The following CLYBL variants were observed in gnomAD, a reference collection of about 807,000 sequenced individuals.
CLYBL encodes citramalyl-CoA lyase, also known as citramalyl-CoA lyase, mitochondrial.
In CLYBL, 31 loss-of-function variants were observed where a neutral mutation model predicts 38.9. That is an observed-to-expected ratio of 0.80 (90% CI 0.60 to 1.08). The LOEUF (loss-of-function observed/expected upper bound fraction) is 1.08. CLYBL is among the 50% of genes least tolerant of loss of function. The probability of loss-of-function intolerance (pLI) is 0.00; values close to 1 mark genes in which losing one functional copy is unlikely to be tolerated. For missense variants in CLYBL, 434 were observed against 411.6 expected, an observed-to-expected ratio of 1.05 and a Z score of -0.47; for synonymous variants, 171 against 158.6, an observed-to-expected ratio of 1.08 and a Z score of -0.59.
intron 3 of CLYBL, among the ~76,000 whole-genome samples, chr13:99,862,246 T>C (rs1476724726): frequency 1.3e-5 from 2 of 152,202 alleles, no homozygotes; most frequent in African/African-American, 4.8e-5. Flanking sequence ...CCCCACATCT[T>C]ATTAGATCTA....
chr13:99,880,156 C>T (rs1201151248), intron 7 of CLYBL, among the ~76,000 whole-genome samples: 4 of 149,438 alleles, frequency 2.7e-5, no homozygotes, highest in African/African-American at 7.4e-5. Context: ...CAACCTCTGC[C>T]TCCTAGGTTC....
chr13:99,768,191 T>A (rs2049306753), intron 1 of CLYBL, among the ~76,000 whole-genome samples: 1 of 108,584 alleles, frequency 9.2e-6, no homozygotes, highest in African/African-American at 3.4e-5. Flanking sequence ...CTTTTCTTTT[T>A]CTTTTTTTTT....
chr13:99,818,764 G>A (rs375047782), intron 2 of CLYBL, among the ~76,000 whole-genome samples: 3 of 152,140 alleles, frequency 2.0e-5, no homozygotes, highest in African/African-American at 7.2e-5. Flanking sequence ...TTCCCTGGGC[G>A]TTTGTACTTA....
intron 2 of CLYBL, among the ~76,000 whole-genome samples, chr13:99,839,110 T>C (rs889842534): frequency 2.0e-5 from 3 of 152,224 alleles, no homozygotes; most frequent in Non-Finnish European, 2.9e-5. Context: ...GTCAACAGTG[T>C]AGCCAGCCAG....
rs866010265 is a variant in CLYBL at position 99,880,066 on chromosome 13, A to T, written c.927+9004A>T. 2.4e-3 allele frequency among the ~76,000 whole-genome samples: 146 copies of T among 60,760 alleles called. 1 individual carries two copies. Among genetic ancestry groups the T allele is most frequent in the African/African-American group, 6.8e-3 (128 of 18,692 alleles). The allele number at this position is 60,760 out of a possible 152,430, so 39.9% of individuals were successfully genotyped here. A position where few individuals can be genotyped will look rare whatever the true frequency, so the allele number is the denominator to read the frequency against. On this transcript the variant is annotated intron_variant, in intron 7 of 8. Transcript: ENST00000339105. ...TGTGTGTATGTATATATATATATAT[A>T]TATTTTTTTTTTTTTTTTTGAGACA...
intron 2 of CLYBL, among the ~76,000 whole-genome samples, chr13:99,816,285 C>T (rs1284504153): frequency 2.6e-5 from 4 of 152,248 alleles, no homozygotes; most frequent in African/African-American, 7.2e-5. Context: ...AAAATGCCAA[C>T]CTTGGGACAG....
At chr13:99,620,571 T>G (rs1297754214) in intron 1 of CLYBL, among the ~76,000 whole-genome samples, 1 of 152,184 alleles carries the variant, frequency 6.6e-6, no homozygotes, top group Non-Finnish European at 1.5e-5. Flanking sequence ...GGTCAGGAGT[T>G]GGAGACCAAC....
At chr13:99,720,985 C>T (rs964181801) in intron 1 of CLYBL, among the ~76,000 whole-genome samples, 32 of 150,868 alleles carry the variant, frequency 2.1e-4, no homozygotes, top group African/African-American at 6.6e-4. Flanking sequence ...TCTCCTACTT[C>T]TCTGTGCCAT....
intron 1 of CLYBL, among the ~76,000 whole-genome samples, chr13:99,759,537 A>G (rs2049126977): frequency 6.6e-6 from 1 of 152,160 alleles, no homozygotes; most frequent in Non-Finnish European, 1.5e-5. Context: ...CTCTGATGTC[A>G]GGCCCTGAAA....
intron 1 of CLYBL, among the ~76,000 whole-genome samples, chr13:99,756,629 A>T (rs1478172033): frequency 6.6e-6 from 1 of 152,084 alleles, no homozygotes; most frequent in Non-Finnish European, 1.5e-5. Flanking sequence ...TGTTTGTTTG[A>T]GCTCATTGGC....
At chr13:99,728,644 C>T (rs7992906) in intron 1 of CLYBL, among the ~76,000 whole-genome samples, 2,254 of 152,006 alleles carry the variant, frequency 0.015, 46 homozygotes, top group African/African-American at 0.051. Context: ...GGTGCAATCA[C>T]GCCTCACTGC....
chr13:99,642,738 T>TTCCC (rs1594097843), intron 1 of CLYBL, among the ~76,000 whole-genome samples: 1 of 151,470 alleles, frequency 6.6e-6, no homozygotes, highest in African/African-American at 2.4e-5. Flanking sequence ...GCCTGCCTGC[T>TTCCC]TCCCTCCCTC....
rs1172376194 is a variant in CLYBL at position 99,754,416 on chromosome 13, CAAAAAAAA to C, written c.63-18392_63-18385del. Among the ~76,000 whole-genome samples, 9 of 71,882 alleles carry C rather than the reference CAAAAAAAA, an allele frequency of 1.3e-4. 1 individual carries two copies. The East Asian group carries it at 1.6e-3, about 13-fold the overall frequency. The allele number at this position is 71,882 out of a possible 152,430, so 47.2% of individuals were successfully genotyped here. A position where few individuals can be genotyped will look rare whatever the true frequency, so the allele number is the denominator to read the frequency against. On this transcript the variant is annotated intron_variant, in intron 1 of 8. Coordinates refer to ENST00000339105, the MANE Select transcript of CLYBL (RefSeq NM_206808.5). ...TGGGCAACAGCGTGAGACCCTGTCT[CAAAAAAAA>C]AAAAAAAAAAAAAAAGAGGAGAGAT...
In CLYBL at chr13:99,902,508, G is replaced by A. The variant is rs183920018; in HGVS notation, c.*25-2762G>A. Among the ~76,000 whole-genome samples, 28 of 152,304 alleles carry A rather than the reference G, an allele frequency of 1.8e-4. No homozygotes were observed. The East Asian group carries it at 5.2e-3, about 28-fold the overall frequency. On this transcript the variant is annotated intron_variant and NMD_transcript_variant, in intron 8 of 9. Transcript: ENST00000689673. ...ACTGGTTTGTTCAGAGGGCGCCACT[G>A]GCCTTTTTTCTCTTCCTTCTCAAAG...
chr13:99,849,422 C>T lies in CLYBL; in HGVS notation c.250-9439C>T, dbSNP rs1216990073. On this transcript the variant is annotated intron_variant, in intron 2 of 8. Transcript: ENST00000339105. This position sits in a 1 kb window ranked among gnomAD's most constrained non-coding sequence, Gnocchi z 4.9. The stretch of plus-strand genomic sequence containing the variant: ...CAGCTACTCAGGAGGCCAAGGCGAG[C>T]GGATTGCTGGGGCCTAGGAGTTCGA... Among the ~76,000 whole-genome samples, 1 of 151,960 alleles carries T rather than the reference C, an allele frequency of 6.6e-6. No homozygotes were observed. The highest frequency in any genetic ancestry group is 1.5e-5 in the Non-Finnish European group (1 of 67,990).
chr13:99,675,225 A>C (rs138401786), intron 1 of CLYBL, among the ~76,000 whole-genome samples: 361 of 152,270 alleles, frequency 2.4e-3, no homozygotes, highest in African/African-American at 8.2e-3. Flanking sequence ...TTTAATATTG[A>C]TGCTGCATCT....
At chr13:99,848,247 A>T (rs2051253469) in intron 2 of CLYBL, among the ~76,000 whole-genome samples, 1 of 151,764 alleles carries the variant, frequency 6.6e-6, no homozygotes, top group Admixed American at 6.6e-5. Context: ...TGTTCCACTG[A>T]CTCCAACTGT....
intron 2 of CLYBL, among the ~76,000 whole-genome samples, chr13:99,797,353 G>GA (rs2050042457): frequency 6.6e-6 from 1 of 152,130 alleles, no homozygotes; most frequent in Non-Finnish European, 1.5e-5. Context: ...CCACTGACAT[G>GA]AAAATAACTC....
At chr13:99,716,453 G>A (rs1380330376) in intron 1 of CLYBL, among the ~76,000 whole-genome samples, 3 of 146,484 alleles carry the variant, frequency 2.0e-5, no homozygotes, top group African/African-American at 7.6e-5. Context: ...GCGCAATCTC[G>A]GCTCACTGCA....
Sources: allele counts gnomAD v4.1 joint callset (sites outside exome capture counted in the v4.1 genomes callset), GRCh38; gene constraint gnomAD v4.1.1; non-coding constraint Gnocchi (gnomAD v3.1); transcripts MANE v1.5; gene names NCBI Gene and HGNC (gene_info 2026-07-23, HGNC 2026-07-21).